Variants in MYL9 observed in about 807,000 individuals in gnomAD.
The protein encoded by MYL9 is myosin light chain 9, also known as myosin regulatory light polypeptide 9.
Under a neutral mutation model 12.8 loss-of-function variants are expected in MYL9, and 7 were observed. The ratio of observed to expected loss-of-function variants is 0.55; its 90% CI spans 0.31 to 1.03. The LOEUF (loss-of-function observed/expected upper bound fraction) is 1.03. MYL9 is among the 50% of genes least tolerant of loss of function. MYL9 has a pLI of 0.05. For synonymous variants in MYL9, 81 were observed against 87.8 expected, an observed-to-expected ratio of 0.92 and a Z score of 0.43; for missense variants, 190 against 242.7, an observed-to-expected ratio of 0.78 and a Z score of 1.44.
At chr20:36,548,254 G>T in intron 3 of MYL9, 61 bp downstream of exon 3, 2 of 1,534,488 alleles carry the variant, frequency 1.3e-6, no homozygotes, top group East Asian at 2.3e-5. Flanking sequence ...GGCATTCAGT[G>T]CCTCTGCCCC....
At chr20:36,548,485 T>C (rs779238977) in intron 3 of MYL9, among the ~76,000 whole-genome samples, 2 of 152,222 alleles carry the variant, frequency 1.3e-5, no homozygotes, top group African/African-American at 2.4e-5. Flanking sequence ...CAAGAAGGTA[T>C]AGAAACTGGC....
intron 1 of MYL9, among the ~76,000 whole-genome samples, chr20:36,543,057 G>A (rs1274134510): frequency 6.6e-6 from 1 of 152,230 alleles, no homozygotes; most frequent in Non-Finnish European, 1.5e-5. Context: ...AGGAGTCAAA[G>A]TTCCCGAGAA....
rs974830928 is a variant in MYL9, at chr20:36,545,177, A to G, written c.184+109A>G. On this transcript the variant is annotated intron_variant, in intron 2 of 3. Transcript: ENST00000279022. ...AGACGCGTGGTGTCCACCTTAGAGA[A>G]TAGTTGCCATTAACTTAGTCCATTC... 4 of 1,261,296 alleles carry G rather than the reference A, an allele frequency of 3.2e-6. No individual in the cohort carries two copies. In the African/African-American group the frequency reaches 4.5e-5, roughly 14 times the overall value. 78.1% of individuals were successfully genotyped at this position (1,261,296 alleles called of 1,614,324 possible).
chr20:36,543,525 G>A (rs2038060687), intron 1 of MYL9, among the ~76,000 whole-genome samples: 3 of 152,208 alleles, frequency 2.0e-5, no homozygotes, highest in Admixed American at 2.0e-4. Flanking sequence ...CCGAGGGAAG[G>A]AGGCACTGGG....
intron 1 of MYL9, 22 bp downstream of exon 1, chr20:36,541,583 GT>G (rs2147893086): frequency 6.5e-6 from 1 of 152,944 alleles, no homozygotes; most frequent in South Asian, 2.1e-4. Context: ...GGCCCCGGGG[GT>G]CTTGAGGACA....
In MYL9 at chr20:36,545,156, G is replaced by A. The variant is rs755771787; in HGVS notation, c.184+88G>A. On this transcript the variant is annotated intron_variant, in intron 2 of 3. Coordinates refer to ENST00000279022, the MANE Select transcript of MYL9 (RefSeq NM_006097.5). The stretch of plus-strand genomic sequence containing the variant: ...CAGGGCACCTCCTGTGTAGTGAGAC[G>A]CGTGGTGTCCACCTTAGAGAATAGT... 136 of 1,419,280 alleles carry A rather than the reference G, an allele frequency of 9.6e-5. 1 individual carries two copies. The Admixed American group carries it at 9.8e-4, about 10-fold the overall frequency. 87.9% of individuals were successfully genotyped at this position (1,419,280 alleles called of 1,614,324 possible). A position where few individuals can be genotyped will look rare whatever the true frequency, so the allele number is the denominator to read the frequency against.
intron 3 of MYL9, among the ~76,000 whole-genome samples, chr20:36,548,600 G>A (rs1005614161): frequency 3.3e-5 from 5 of 150,862 alleles, no homozygotes; most frequent in African/African-American, 7.3e-5. Context: ...GGGCCCGCAC[G>A]GGCCTGACTA....
chr20:36,549,160 C>A lies in MYL9; in HGVS notation c.430C>A (p.Arg144=). 6.2e-7 allele frequency: 1 copy of A among 1,613,940 alleles called. No homozygotes were observed. Among genetic ancestry groups the A allele is most frequent in the Non-Finnish European group, 8.5e-7 (1 of 1,179,966 alleles). The change falls in exon 4 of 4, where the codon CGG becomes AGG. Residue 144 remains arginine (R), a synonymous_variant. Transcript: ENST00000279022. The part of the protein sequence containing the change: ...FTDEEVDEMY[R]EAPIDKKGNF... The stretch of plus-strand genomic sequence containing the variant: ...AGATGAGGAAGTGGACGAGATGTAC[C>A]GGGAGGCACCCATTGATAAGAAAGG...
rs1569529501 is a variant in MYL9 at position 36,544,799 on chromosome 20, G to A, written c.-26-60G>A. The stretch of plus-strand genomic sequence containing the variant: ...AAGTGCTAAAAGCCAGTCTGGGGGA[G>A]GCAGGAAGATTCCCTGGCCCAGAGT... On this transcript the variant is annotated intron_variant, in intron 1 of 3. Transcript: ENST00000279022. 3.5e-6 allele frequency: 5 copies of A among 1,435,482 alleles called. No homozygotes were observed. The African/African-American group carries it at 5.7e-5, about 16-fold the overall frequency. 88.9% of individuals were successfully genotyped at this position (1,435,482 alleles called of 1,614,324 possible).
Position 36,544,870 on chromosome 20 carries a change from C to G in MYL9, c.-15C>G. 1 of 1,609,548 alleles carries G rather than the reference C, an allele frequency of 6.2e-7. No homozygotes were observed. The highest frequency in any genetic ancestry group is 8.5e-7 in the Non-Finnish European group (1 of 1,177,434). On this transcript the variant is annotated 5_prime_UTR_variant, in exon 2 of 4. Transcript: ENST00000279022. ...ACCCCTTCCTGCAGGGAAGCCCCAC[C>G]CACCAGAAGCCAAGATGTCCAGCAA...
intron 1 of MYL9, among the ~76,000 whole-genome samples, chr20:36,543,121 C>T (rs1042846559): frequency 6.6e-6 from 1 of 152,206 alleles, no homozygotes; most frequent in Non-Finnish European, 1.5e-5. Context: ...AGGAGGGGGC[C>T]GGCATCTGGG....
At chr20:36,544,744 A>G in intron 1 of MYL9, 115 bp from the exon 2 acceptor site, 1 of 824,660 alleles carries the variant, frequency 1.2e-6, no homozygotes, top group South Asian at 1.9e-5. Flanking sequence ...GGGAGCCCCA[A>G]ATCCGTGGGC....
rs542585463 is a variant in MYL9, at chr20:36,550,794, G to C, written c.*1545G>C. 2.6e-5 allele frequency: 4 copies of C among 152,328 alleles called. No homozygotes were observed. Among genetic ancestry groups the C allele is most frequent in the Non-Finnish European group, 5.9e-5 (4 of 68,192 alleles). The allele number at this position is 152,328 out of a possible 1,614,324, so 9.4% of individuals were successfully genotyped here. A position where few individuals can be genotyped will look rare whatever the true frequency, so the allele number is the denominator to read the frequency against. ...ATCAACTCCAGAAGGGGCGAGACCC[G>C]AACAAGTTCCAAACCAGGCCCAAAT... On this transcript the variant is annotated 3_prime_UTR_variant, in exon 4 of 4. Coordinates refer to ENST00000279022, the MANE Select transcript of MYL9 (RefSeq NM_006097.5).
In MYL9 at chr20:36,549,520, G is replaced by C. The variant is rs2038145167; in HGVS notation, c.*271G>C. On this transcript the variant is annotated 3_prime_UTR_variant, in exon 4 of 4. Transcript: ENST00000279022. ...GACATGGGCTGGAGGGCAGGACCTA[G>C]AGGCACCAAGGGAAGGCCCCATTCC... 1 of 372,470 alleles carries C rather than the reference G, an allele frequency of 2.7e-6. No individual in the cohort carries two copies. Among genetic ancestry groups the C allele is most frequent in the Non-Finnish European group, 4.9e-6 (1 of 202,358 alleles). 23.1% of individuals were successfully genotyped at this position (372,470 alleles called of 1,614,324 possible).
intron 1 of MYL9, among the ~76,000 whole-genome samples, chr20:36,542,369 C>T (rs745543834): frequency 7.2e-5 from 11 of 152,170 alleles, no homozygotes; most frequent in Non-Finnish European, 5.9e-5. Flanking sequence ...TCAGCCCAGC[C>T]TTTTCTGTTA....
At chr20:36,545,258 G>A (rs1038340313) in intron 2 of MYL9, among the ~76,000 whole-genome samples, 190 bp downstream of exon 2, 3 of 152,172 alleles carry the variant, frequency 2.0e-5, no homozygotes, top group African/African-American at 7.2e-5. Flanking sequence ...AGCACTTTGG[G>A]AGGCCAAGGC....
chr20:36,542,170 G>A (rs895408354), intron 1 of MYL9, among the ~76,000 whole-genome samples: 7 of 152,138 alleles, frequency 4.6e-5, no homozygotes, highest in Admixed American at 6.5e-5. Flanking sequence ...AAGGTCTGCG[G>A]AGGGCCCTGA....
intron 2 of MYL9, among the ~76,000 whole-genome samples, chr20:36,545,706 G>A (rs977631645): frequency 6.6e-6 from 1 of 151,888 alleles, no homozygotes; most frequent in Non-Finnish European, 1.5e-5. Flanking sequence ...CAAGGCGGGC[G>A]GATCACGAGG....
At position 36,549,153 on chromosome 20, in the gene MYL9, G is replaced by T. The variant is rs2038139856; in HGVS notation, c.423G>T (p.Glu141Asp). 6.2e-7 allele frequency: 1 copy of T among 1,613,886 alleles called. No homozygotes were observed. Among genetic ancestry groups the T allele is most frequent in the Non-Finnish European group, 8.5e-7 (1 of 1,180,026 alleles). ...GCTTCACAGATGAGGAAGTGGACGA[G>T]ATGTACCGGGAGGCACCCATTGATA... ...GDRFTDEEVD[E>D]MYREAPIDKK... Residue 141 changes from glutamate (E) to aspartate (D), a missense_variant, in exon 4 of 4, where the codon GAG becomes GAT. Physicochemically the swap from Glu to Asp is conservative, Grantham distance 45. Transcript: ENST00000279022.
Sources: allele counts gnomAD v4.1 joint callset (sites outside exome capture counted in the v4.1 genomes callset), GRCh38; gene constraint gnomAD v4.1.1; transcripts MANE v1.5; gene names NCBI Gene and HGNC (gene_info 2026-07-23, HGNC 2026-07-21).